SH3KBP1: variants seen among roughly 807,000 people sequenced by gnomAD.
SH3KBP1 encodes SH3 domain containing kinase binding protein 1.
SH3KBP1 carries 8 observed loss-of-function variants against 50.1 expected under a neutral mutation model. The ratio of observed to expected loss-of-function variants is 0.16; its 90% CI spans 0.09 to 0.29. The LOEUF (loss-of-function observed/expected upper bound fraction) is 0.29, where lower values mean the gene tolerates loss of function less well. SH3KBP1 is among the 10% of genes least tolerant of loss of function. The pLI is 1.00. For synonymous variants in SH3KBP1, 227 were observed against 218.6 expected, an observed-to-expected ratio of 1.04 and a Z score of -0.34; for missense variants, 377 against 535.2, an observed-to-expected ratio of 0.70 and a Z score of 2.92.
At chrX:19,737,439 C>T (rs1490193587) in intron 3 of SH3KBP1, among the ~76,000 whole-genome samples, 1 of 111,470 alleles carries the variant, frequency 9.0e-6, no homozygotes, top group Non-Finnish European at 1.9e-5. Context: ...GTGGTTTTTC[C>T]TCACAACCCC....
intron 1 of SH3KBP1, among the ~76,000 whole-genome samples, chrX:19,842,321 T>A (rs1294666149): frequency 9.0e-6 from 1 of 110,690 alleles, no homozygotes; most frequent in South Asian, 3.7e-4. Flanking sequence ...AGGTCAGGAG[T>A]TCAAGACCAG....
intron 3 of SH3KBP1, among the ~76,000 whole-genome samples, chrX:19,713,898 C>T (rs1041446455): frequency 2.7e-5 from 3 of 111,669 alleles, no homozygotes; most frequent in Admixed American, 9.5e-5. Flanking sequence ...TCATGTTTAC[C>T]TCAGCACTAT....
chrX:19,686,133 C>T (rs1212979063), intron 5 of SH3KBP1, among the ~76,000 whole-genome samples: 3 of 111,505 alleles, frequency 2.7e-5, no homozygotes, highest in Admixed American at 9.5e-5. Flanking sequence ...AAGCATGGCC[C>T]GGGAAGGAAA....
chrX:19,812,792 T>C (rs2096397201), intron 2 of SH3KBP1, among the ~76,000 whole-genome samples: 1 of 110,638 alleles, frequency 9.0e-6, no homozygotes, highest in South Asian at 3.7e-4. Context: ...TTGGGCAACA[T>C]GGTGAAACCT....
At chrX:19,569,503 C>T (rs1317686035) in intron 12 of SH3KBP1, among the ~76,000 whole-genome samples, 1 of 112,660 alleles carries the variant, frequency 8.9e-6, no homozygotes, top group Non-Finnish European at 1.9e-5. Context: ...CTGCTCCTGC[C>T]CTGCGGCCAA....
At chrX:19,703,574 T>A (rs1481236509) in intron 4 of SH3KBP1, among the ~76,000 whole-genome samples, 1 of 111,624 alleles carries the variant, frequency 9.0e-6, no homozygotes, top group Non-Finnish European at 1.9e-5. Context: ...TAAGCTAAAA[T>A]TAGATATTAA....
chrX:19,631,844 A>C lies in SH3KBP1; in HGVS notation c.897+20T>G. ...CAAAGCAGTTCGCGATTTAGAAGGT[A>C]GGAGACAACCTTTGTTTACCTTATT... is the stretch of plus-strand genomic sequence containing the variant. On this transcript the variant is annotated intron_variant, in intron 8 of 17. Coordinates refer to ENST00000397821, the MANE Select transcript of SH3KBP1 (RefSeq NM_031892.3). The C allele has an allele frequency of 3.8e-6, 4 of 1,065,545 alleles. No individual in the cohort carries two copies. The highest frequency in any genetic ancestry group is 5.2e-6 in the Non-Finnish European group (4 of 765,856). The allele number at this position is 1,065,545 out of a possible 1,213,427, so 87.8% of individuals were successfully genotyped here.
At chrX:19,818,091 C>T (rs2067416409) in intron 2 of SH3KBP1, among the ~76,000 whole-genome samples, 2 of 112,220 alleles carry the variant, frequency 1.8e-5, no homozygotes, top group Non-Finnish European at 1.9e-5. Flanking sequence ...AAGTATACTA[C>T]TCTATGATGT....
At chrX:19,648,175 C>T in intron 6 of SH3KBP1, 1 of 332,477 alleles carries the variant, frequency 3.0e-6, no homozygotes, top group Non-Finnish European at 5.8e-6. Flanking sequence ...TACAGTAGAT[C>T]AGACAATGTG....
intron 16 of SH3KBP1, among the ~76,000 whole-genome samples, chrX:19,541,310 C>G (rs2064886161): frequency 8.9e-6 from 1 of 111,912 alleles, no homozygotes; most frequent in Non-Finnish European, 1.9e-5. Context: ...AGGTCTTTCT[C>G]CTCAACAAAG....
At chrX:19,878,012 G>C (rs772213127) in intron 1 of SH3KBP1, among the ~76,000 whole-genome samples, 2 of 111,947 alleles carry the variant, frequency 1.8e-5, no homozygotes, top group South Asian at 3.7e-4. Context: ...TTTGTTATTA[G>C]TGTTTTTTCT....
intron 6 of SH3KBP1, among the ~76,000 whole-genome samples, chrX:19,656,592 A>G (rs2062283742): frequency 8.9e-6 from 1 of 111,750 alleles, no homozygotes. Flanking sequence ...TGCAAACAAC[A>G]ATACTAAGTT....
chrX:19,722,241 G>A (rs983125927), intron 3 of SH3KBP1, among the ~76,000 whole-genome samples: 10 of 111,153 alleles, frequency 9.0e-5, no homozygotes, highest in African/African-American at 3.3e-4. Flanking sequence ...TTGGGTCAGT[G>A]GCTGGCGAGA....
At chrX:19,836,072 T>C (rs2147431207) in intron 2 of SH3KBP1, 53 bp downstream of exon 2, 2 of 1,141,164 alleles carry the variant, frequency 1.8e-6, no homozygotes, top group Non-Finnish European at 2.4e-6. Flanking sequence ...CCATAGACTT[T>C]GGTCAGCAGA....
At chrX:19,788,657 C>T (rs781649695) in intron 2 of SH3KBP1, among the ~76,000 whole-genome samples, 1 of 111,870 alleles carries the variant, frequency 8.9e-6, no homozygotes, top group Non-Finnish European at 1.9e-5. Flanking sequence ...GCAGCAGAAT[C>T]CTTGTCCTAA....
chrX:19,808,084 G>A (rs1301130404), intron 2 of SH3KBP1, among the ~76,000 whole-genome samples: 2 of 111,510 alleles, frequency 1.8e-5, no homozygotes, highest in African/African-American at 6.5e-5. Context: ...GTGTGAGCCT[G>A]TCTCTTGCAG....
At chrX:19,674,471 T>TGAATGAATGAGTGAATTAATGAAC (rs2062878932) in intron 6 of SH3KBP1, among the ~76,000 whole-genome samples, 1 of 112,182 alleles carries the variant, frequency 8.9e-6, no homozygotes, top group Non-Finnish European at 1.9e-5. Flanking sequence ...CTTCAGTGAA[T>TGAATGAATGAGTGAATTAATGAAC]GAATGAATGA....
chrX:19,695,880 C>T (rs1283907948), intron 4 of SH3KBP1, 139 bp from the exon 5 acceptor site: 3 of 511,105 alleles, frequency 5.9e-6, no homozygotes, highest in Non-Finnish European at 9.1e-6. Context: ...TAACAGGGAA[C>T]AAGAAAAAAA....
intron 1 of SH3KBP1, among the ~76,000 whole-genome samples, chrX:19,858,722 C>CAG (rs1268806056): frequency 8.9e-6 from 1 of 112,477 alleles, no homozygotes; most frequent in African/African-American, 3.2e-5. Flanking sequence ...TCCATCATCA[C>CAG]ACTCCATATA....
Sources: allele counts gnomAD v4.1 joint callset (sites outside exome capture counted in the v4.1 genomes callset), GRCh38; gene constraint gnomAD v4.1.1; transcripts MANE v1.5; gene names NCBI Gene and HGNC (gene_info 2026-07-23, HGNC 2026-07-21).